The following ERCC6L2 variants were observed in gnomAD, a reference collection of about 807,000 sequenced individuals.
ERCC6L2 encodes DNA excision repair protein ERCC-6-like 2.
A neutral mutation model predicts 132.0 loss-of-function variants in ERCC6L2; 77 were observed. The ratio of observed to expected loss-of-function variants is 0.58; its 90% CI spans 0.49 to 0.71. The LOEUF (loss-of-function observed/expected upper bound fraction) is 0.71. Among genes scored for constraint, ERCC6L2 ranks in the 30% least tolerant of loss-of-function variants. The pLI, the probability that ERCC6L2 is intolerant of heterozygous loss-of-function variation, is 0.00. For missense variants in ERCC6L2, 1,542 were observed against 1,837.6 expected, an observed-to-expected ratio of 0.84 and a Z score of 2.94; for synonymous variants, 583 against 632.4, an observed-to-expected ratio of 0.92 and a Z score of 1.17.
rs1043949999 is a variant in ERCC6L2, at chr9:96,016,625, C to T, written c.*3422C>T. Among the ~76,000 whole-genome samples the T allele has an allele frequency of 6.6e-6, 1 of 152,222 alleles. No individual in the cohort carries two copies. The highest frequency in any genetic ancestry group is 2.4e-5 in the African/African-American group (1 of 41,458). ...CTTAGTTTGCAGAGATGATGATAAA[C>T]TTTTCATCCTTCCACAGAAAATGAG... On this transcript the variant is annotated 3_prime_UTR_variant, in exon 19 of 19. Transcript: ENST00000653738.
intron 17 of ERCC6L2, among the ~76,000 whole-genome samples, chr9:96,004,069 T>G (rs1833780319): frequency 6.6e-6 from 1 of 152,216 alleles, no homozygotes; most frequent in South Asian, 2.1e-4. Context: ...ATTTATGATT[T>G]ATTTATTTAA....
chr9:96,004,567 A>G lies in ERCC6L2; in HGVS notation c.3540A>G (p.Lys1180=), dbSNP rs371387726. Residue 1180 remains lysine, a synonymous_variant, in exon 18 of 19, where the codon AAA becomes AAG. Coordinates refer to ENST00000653738, the MANE Select transcript of ERCC6L2 (RefSeq NM_020207.7). ...VDADTLPHTK[K]GQQPSEGSIS... The stretch of plus-strand genomic sequence containing the variant: ...CAGATACATTGCCACACACAAAGAA[A>G]GGCCAGCAACCGAGTGAAGGCAGCA... 12 of 1,310,100 alleles carry G rather than the reference A, an allele frequency of 9.2e-6. No individual in the cohort carries two copies. The highest frequency in any genetic ancestry group is 1.1e-5 in the Non-Finnish European group (11 of 991,226). 81.2% of individuals were successfully genotyped at this position (1,310,100 alleles called of 1,614,324 possible).
chr9:95,903,978 A>G (rs934572911), intron 3 of ERCC6L2, among the ~76,000 whole-genome samples: 6 of 152,084 alleles, frequency 3.9e-5, no homozygotes, highest in Non-Finnish European at 7.4e-5. Flanking sequence ...CTGTTTTTAT[A>G]CAAAGGACTT....
At chr9:95,920,591 T>G (rs374225691) in intron 6 of ERCC6L2, among the ~76,000 whole-genome samples, 9 of 152,122 alleles carry the variant, frequency 5.9e-5, no homozygotes, top group African/African-American at 1.9e-4. Flanking sequence ...AAGAGTCAAC[T>G]GTGTAAGGAA....
intron 13 of ERCC6L2, among the ~76,000 whole-genome samples, chr9:95,965,715 G>C (rs1832123850): frequency 6.6e-6 from 1 of 152,028 alleles, no homozygotes; most frequent in Non-Finnish European, 1.5e-5. Context: ...ACGTCGACCA[G>C]GTTGGGCTCT....
intron 19 of ERCC6L2, among the ~76,000 whole-genome samples, chr9:96,024,446 A>G (rs1036574363): frequency 6.6e-6 from 1 of 151,824 alleles, no homozygotes; most frequent in Admixed American, 6.6e-5. Context: ...ATAGCAAACC[A>G]CTCTCTTCTT....
intron 2 of ERCC6L2, among the ~76,000 whole-genome samples, chr9:95,882,130 G>T (rs773210141): frequency 1.3e-5 from 2 of 152,172 alleles, no homozygotes; most frequent in Non-Finnish European, 2.9e-5. Context: ...TCTTCATGGG[G>T]CATCTCACAC....
intron 2 of ERCC6L2, among the ~76,000 whole-genome samples, chr9:95,886,204 A>G (rs918807617): frequency 6.6e-6 from 1 of 152,004 alleles, no homozygotes; most frequent in Non-Finnish European, 1.5e-5. Context: ...TTTGGTAGAG[A>G]TGGGGTTTTC....
intron 20 of ERCC6L2, among the ~76,000 whole-genome samples, chr9:96,040,374 CCT>C: frequency 6.6e-6 from 1 of 152,306 alleles, no homozygotes; most frequent in East Asian, 1.9e-4. Flanking sequence ...TTGGCTAGAT[CCT>C]CTCTGCCCTT....
intron 9 of ERCC6L2, among the ~76,000 whole-genome samples, chr9:95,926,569 C>A (rs545822006): frequency 6.6e-6 from 1 of 152,142 alleles, no homozygotes; most frequent in Middle Eastern, 3.4e-3. Flanking sequence ...ATAATACTAT[C>A]AAAAGGCAAA....
At chr9:96,007,278 T>TTTA (rs1833892267) in intron 18 of ERCC6L2, among the ~76,000 whole-genome samples, 2 of 152,266 alleles carry the variant, frequency 1.3e-5, no homozygotes, top group East Asian at 3.9e-4. Context: ...CAATGGCAAT[T>TTTA]TATAAACTTG....
intron 12 of ERCC6L2, among the ~76,000 whole-genome samples, chr9:95,945,142 A>G (rs925321291): frequency 1.3e-5 from 2 of 152,214 alleles, no homozygotes; most frequent in Non-Finnish European, 2.9e-5. Flanking sequence ...AGTAGTGACC[A>G]TAAAAGACGG....
chr9:95,918,064 G>A (rs1829684127), intron 6 of ERCC6L2: 1 of 199,974 alleles, frequency 5.0e-6, no homozygotes, highest in Non-Finnish European at 1.0e-5. Context: ...ATCAGGAGGG[G>A]GCAGGCTGGA....
chr9:95,996,947 A>G (rs899870394), intron 17 of ERCC6L2, among the ~76,000 whole-genome samples: 1 of 152,210 alleles, frequency 6.6e-6, no homozygotes, highest in African/African-American at 2.4e-5. Flanking sequence ...TTTAAGAAAT[A>G]CAGAGCCGGG....
chr9:95,937,352 G>C (rs1259664879), intron 11 of ERCC6L2, among the ~76,000 whole-genome samples: 1 of 152,046 alleles, frequency 6.6e-6, no homozygotes, highest in South Asian at 2.1e-4. Context: ...TTGTGGTTTG[G>C]ATTTGCATTT....
chr9:95,975,204 A>G lies in ERCC6L2; in HGVS notation c.3337+2116A>G, dbSNP rs57165992. Among the ~76,000 whole-genome samples the G allele has an allele frequency of 8.0e-3, 1,226 of 152,302 alleles. 20 individuals carry two copies. Among genetic ancestry groups the G allele is most frequent in the African/African-American group, 0.028 (1,149 of 41,558 alleles). On this transcript the variant is annotated intron_variant, in intron 16 of 18. Transcript: ENST00000653738. Reference sequence around the variant, plus strand: ...AGACTTCACTTAACTGTTGGTCCACAGGTAACTACACATTTCATGCTCCCC... The same window carrying G: ...AGACTTCACTTAACTGTTGGTCCACGGGTAACTACACATTTCATGCTCCCC...
At position 95,912,377 on chromosome 9, in the gene ERCC6L2, TTG is replaced by T. The variant is rs144056886; in HGVS notation, c.789-3277_789-3276del. Among the ~76,000 whole-genome samples the T allele has an allele frequency of 3.3e-5, 5 of 151,562 alleles. No homozygotes were observed. The East Asian group carries it at 5.8e-4, about 17-fold the overall frequency. Reference sequence around the variant, plus strand: ...CATGAGCATCTAGATTCCAACAGTTTTGTGTGTGTGTGTGTATGTATGTATAT... The same window carrying T: ...CATGAGCATCTAGATTCCAACAGTTTTGTGTGTGTGTGTATGTATGTATAT... On this transcript the variant is annotated intron_variant, in intron 4 of 18. Transcript: ENST00000653738.
At chr9:95,917,114 C>T (rs1006789242) in intron 6 of ERCC6L2, among the ~76,000 whole-genome samples, 1 of 152,100 alleles carries the variant, frequency 6.6e-6, no homozygotes, top group Non-Finnish European at 1.5e-5. Context: ...TCTTTGGTAC[C>T]TTAATTCTAG....
downstream of ERCC6L2, chr9:96,021,122 C>A: frequency 2.5e-6 from 1 of 395,372 alleles, no homozygotes; most frequent in Non-Finnish European, 5.0e-6. This position sits in a 1 kb window ranked among gnomAD's most constrained non-coding sequence, Gnocchi z 4.7. Context: ...TACTCTCAGG[C>A]GTCCCGGGGA....
Sources: allele counts gnomAD v4.1 joint callset (sites outside exome capture counted in the v4.1 genomes callset), GRCh38; gene constraint gnomAD v4.1.1; non-coding constraint Gnocchi (gnomAD v3.1); transcripts MANE v1.5; gene names NCBI Gene and HGNC (gene_info 2026-07-23, HGNC 2026-07-21).